SPOCK1: variants seen among roughly 807,000 people sequenced by gnomAD.
SPOCK1 encodes testican-1.
SPOCK1 carries 23 observed loss-of-function variants against 55.3 expected under a neutral mutation model. The observed-to-expected ratio is 0.42, with a 90% CI of 0.30 to 0.59. The LOEUF (loss-of-function observed/expected upper bound fraction) is 0.59. Among genes scored for constraint, SPOCK1 ranks in the 20% least tolerant of loss-of-function variants. The pLI is 0.22. For synonymous variants in SPOCK1, 226 were observed against 221.0 expected (o/e 1.02, Z -0.20); for missense variants, 499 against 552.5 (o/e 0.90, Z 0.97).
At chr5:137,458,727 C>T (rs1753418179) in intron 2 of SPOCK1, among the ~76,000 whole-genome samples, 1 of 152,178 alleles carries the variant, frequency 6.6e-6, no homozygotes, top group South Asian at 2.1e-4. Context: ...GGGTGTATCA[C>T]ATTGTCCCTT....
At chr5:137,376,937 C>G (rs541411058) in intron 2 of SPOCK1, among the ~76,000 whole-genome samples, 1 of 152,184 alleles carries the variant, frequency 6.6e-6, no homozygotes, top group Non-Finnish European at 1.5e-5. Flanking sequence ...CTGGTATCTT[C>G]TGTTCGTCTG....
chr5:137,496,771 T>C (rs1754307620), intron 2 of SPOCK1, among the ~76,000 whole-genome samples: 1 of 152,162 alleles, frequency 6.6e-6, no homozygotes, highest in African/African-American at 2.4e-5. Context: ...AGGTCAGGAA[T>C]GGGGCAATGA....
intron 2 of SPOCK1, among the ~76,000 whole-genome samples, chr5:137,348,116 C>T (rs1428478490): frequency 6.6e-6 from 1 of 152,158 alleles, no homozygotes; most frequent in South Asian, 2.1e-4. Flanking sequence ...TCTTGTTCAC[C>T]GAGTATCCCT....
chr5:137,219,070 A>C (rs1397004107), intron 3 of SPOCK1, among the ~76,000 whole-genome samples: 2 of 152,154 alleles, frequency 1.3e-5, no homozygotes, highest in Non-Finnish European at 2.9e-5. Context: ...CTTCCCTAGG[A>C]TCTCACCTGG....
At chr5:137,388,772 G>A (rs986779273) in intron 2 of SPOCK1, among the ~76,000 whole-genome samples, 3 of 152,104 alleles carry the variant, frequency 2.0e-5, no homozygotes, top group South Asian at 4.2e-4. Flanking sequence ...GCAAAACACC[G>A]CAACTGCTCA....
intron 2 of SPOCK1, among the ~76,000 whole-genome samples, chr5:137,389,402 C>G (rs993704967): frequency 4.6e-5 from 7 of 152,272 alleles, no homozygotes; most frequent in Admixed American, 2.6e-4. Flanking sequence ...CAGTGCATCA[C>G]TGCACAAAAC....
intron 2 of SPOCK1, among the ~76,000 whole-genome samples, chr5:137,424,053 T>C (rs551859123): frequency 1.3e-5 from 2 of 152,268 alleles, no homozygotes; most frequent in South Asian, 4.1e-4. Context: ...TATCCTTTTC[T>C]CCAGTGATTT....
intron 2 of SPOCK1, among the ~76,000 whole-genome samples, chr5:137,444,024 C>T (rs1005723571): frequency 3.9e-5 from 6 of 152,166 alleles, no homozygotes; most frequent in Admixed American, 2.0e-4. Flanking sequence ...AGGCATAAAG[C>T]GTGACACAGT....
At chr5:137,432,019 T>C (rs1163522625) in intron 2 of SPOCK1, among the ~76,000 whole-genome samples, 1 of 152,144 alleles carries the variant, frequency 6.6e-6, no homozygotes, top group Non-Finnish European at 1.5e-5. Flanking sequence ...ACCATAATCA[T>C]TAAGTAAATG....
At chr5:137,231,292 C>T (rs991790161) in intron 3 of SPOCK1, among the ~76,000 whole-genome samples, 2 of 152,134 alleles carry the variant, frequency 1.3e-5, no homozygotes, top group African/African-American at 4.8e-5. Context: ...TGATGGAGAC[C>T]CACTTCAGCC....
intron 2 of SPOCK1, among the ~76,000 whole-genome samples, chr5:137,285,130 T>C (rs906914448): frequency 9.9e-5 from 15 of 152,158 alleles, no homozygotes; most frequent in African/African-American, 3.6e-4. Flanking sequence ...GCCAAGCGGG[T>C]TGCTCGCAGA....
chr5:137,348,897 C>T (rs745309056), intron 2 of SPOCK1, among the ~76,000 whole-genome samples: 8 of 152,078 alleles, frequency 5.3e-5, no homozygotes, highest in Non-Finnish European at 1.0e-4. Flanking sequence ...TTCAATAACC[C>T]ACTGCAGATC....
At chr5:137,028,472 GAGT>G (rs1045112067) in intron 6 of SPOCK1, among the ~76,000 whole-genome samples, 6 of 152,192 alleles carry the variant, frequency 3.9e-5, no homozygotes, top group Non-Finnish European at 8.8e-5. Context: ...GGAGCAGCAG[GAGT>G]TCCTTGAGCT....
Position 136,978,620 on chromosome 5 carries a change from T to C in SPOCK1, c.*34A>G. ...CAGGAATAGGAAGTGACTTGCAATT[T>C]TGTGCAAAACTTGTGTCCTCTTTCT... On this transcript the variant is annotated 3_prime_UTR_variant, in exon 11 of 11. Transcript: ENST00000394945. 6.4e-7 allele frequency: 1 copy of C among 1,558,016 alleles called. No homozygotes were observed. Among genetic ancestry groups the C allele is most frequent in the Non-Finnish European group, 8.7e-7 (1 of 1,154,912 alleles).
chr5:137,442,286 G>C lies in SPOCK1; in HGVS notation c.186+56087C>G, dbSNP rs374608392. 2.0e-5 allele frequency among the ~76,000 whole-genome samples: 3 copies of C among 152,228 alleles called. No individual in the cohort carries two copies. The South Asian group carries it at 6.2e-4, about 32-fold the overall frequency. On this transcript the variant is annotated intron_variant, in intron 2 of 10. Coordinates refer to ENST00000394945, the MANE Select transcript of SPOCK1 (RefSeq NM_004598.4). ...AATCATAGTTCGGGGACGGGGGAGC[G>C]GGGGGAAGATGCAGGCAAGGAGGCT... is the stretch of plus-strand genomic sequence containing the variant.
chr5:137,391,138 G>A (rs371402969), intron 2 of SPOCK1, among the ~76,000 whole-genome samples: 12 of 152,050 alleles, frequency 7.9e-5, no homozygotes, highest in African/African-American at 1.4e-4. Context: ...ACTTATGAGC[G>A]AGAACACGCA....
chr5:137,313,764 G>T (rs1273283004), intron 2 of SPOCK1, among the ~76,000 whole-genome samples: 1 of 151,486 alleles, frequency 6.6e-6, no homozygotes, highest in East Asian at 1.9e-4. Context: ...TTTACAAAAG[G>T]GTTGCATTCA....
Position 137,401,607 on chromosome 5 carries a change from C to T in SPOCK1, c.186+96766G>A, listed in dbSNP as rs116065275. On this transcript the variant is annotated intron_variant, in intron 2 of 10. Coordinates refer to ENST00000394945, the MANE Select transcript of SPOCK1 (RefSeq NM_004598.4). ...TAAGTTTAAAAAAATTCACTGGGCACGGTGGCACACATCTCTAGTCTCAAC... is the reference window on the plus strand; with the variant it reads ...TAAGTTTAAAAAAATTCACTGGGCATGGTGGCACACATCTCTAGTCTCAAC... 4.5e-3 allele frequency among the ~76,000 whole-genome samples: 678 copies of T among 150,506 alleles called. 4 individuals are homozygous for T. The highest frequency in any genetic ancestry group is 0.016 in the African/African-American group (644 of 40,970).
intron 5 of SPOCK1, among the ~76,000 whole-genome samples, chr5:137,068,750 T>C (rs554551759): frequency 2.7e-4 from 41 of 152,350 alleles, no homozygotes; most frequent in African/African-American, 8.7e-4. Context: ...ACTGTGTATA[T>C]GGGGCTTCGG....
Sources: allele counts gnomAD v4.1 joint callset (sites outside exome capture counted in the v4.1 genomes callset), GRCh38; gene constraint gnomAD v4.1.1; transcripts MANE v1.5; gene names NCBI Gene and HGNC (gene_info 2026-07-23, HGNC 2026-07-21).